The following KLHL1 variants were observed in gnomAD, a reference collection of about 807,000 sequenced individuals.
KLHL1 encodes kelch-like protein 1.
Under a neutral mutation model 77.7 loss-of-function variants are expected in KLHL1, and 47 were observed. The observed-to-expected ratio is 0.60, with a 90% CI of 0.48 to 0.77. KLHL1 has a LOEUF of 0.77. KLHL1 is among the 30% of genes least tolerant of loss of function. KLHL1 has a pLI of 0.00. For missense variants in KLHL1, 925 were observed against 910.8 expected (o/e 1.02, Z -0.20); for synonymous variants, 360 against 325.2 (o/e 1.11, Z -1.15).
At chr13:69,960,290 C>A (rs1340519544) in intron 3 of KLHL1, among the ~76,000 whole-genome samples, 1 of 90,146 alleles carries the variant, frequency 1.1e-5, no homozygotes, top group Non-Finnish European at 2.5e-5. Context: ...AGCAGAAATG[C>A]TGTAAAAAAT....
At chr13:69,894,766 A>G in intron 4 of KLHL1, 1 of 225,536 alleles carries the variant, frequency 4.4e-6, no homozygotes, top group Non-Finnish European at 8.8e-6. Context: ...CATAACATTC[A>G]GGATGTGTGA....
intron 6 of KLHL1, among the ~76,000 whole-genome samples, chr13:69,803,483 A>T (rs1877481596): frequency 6.6e-6 from 1 of 152,190 alleles, no homozygotes; most frequent in East Asian, 1.9e-4. Flanking sequence ...GAATTTAAAA[A>T]ATTTCCCTTC....
chr13:69,711,542 G>A (rs554649861), intron 9 of KLHL1, among the ~76,000 whole-genome samples: 6 of 151,998 alleles, frequency 3.9e-5, no homozygotes, highest in African/African-American at 1.4e-4. Context: ...CATTTACCAG[G>A]TTTCATGACA....
chr13:69,783,552 G>A (rs1023219297), intron 7 of KLHL1, among the ~76,000 whole-genome samples: 7 of 151,866 alleles, frequency 4.6e-5, no homozygotes, highest in East Asian at 3.9e-4. Flanking sequence ...GAGCCGATGC[G>A]ATCAACTGGA....
intron 5 of KLHL1, among the ~76,000 whole-genome samples, chr13:69,878,267 CT>C (rs1880842786): frequency 1.3e-5 from 2 of 151,910 alleles, no homozygotes; most frequent in Non-Finnish European, 1.5e-5. Flanking sequence ...TATATTTTTG[CT>C]TTAAATATCT....
chr13:69,736,822 CAT>C (rs375456221), intron 8 of KLHL1, among the ~76,000 whole-genome samples: 11 of 152,128 alleles, frequency 7.2e-5, no homozygotes, highest in African/African-American at 2.6e-4. Context: ...GAAAACCAAA[CAT>C]AGTATATTCT....
At chr13:69,786,129 AAG>A (rs1876531110) in intron 7 of KLHL1, among the ~76,000 whole-genome samples, 1 of 152,192 alleles carries the variant, frequency 6.6e-6, no homozygotes. Flanking sequence ...TCAATAGAAA[AAG>A]AGGGAATCCT....
Position 69,701,567 on chromosome 13 carries a change from T to G in KLHL1, c.*135A>C. 3.1e-6 allele frequency: 2 copies of G among 645,000 alleles called. No individual in the cohort carries two copies. Among genetic ancestry groups the G allele is most frequent in the Non-Finnish European group, 5.5e-6 (2 of 363,894 alleles). 40.0% of individuals were successfully genotyped at this position (645,000 alleles called of 1,614,324 possible). A position where few individuals can be genotyped will look rare whatever the true frequency, so the allele number is the denominator to read the frequency against. On this transcript the variant is annotated 3_prime_UTR_variant, in exon 11 of 11. Transcript: ENST00000377844. ...TATTCTGTTTGATCTACTAACTCTT[T>G]CAACATCAGTAGGTAACGCTACAGA... is the stretch of plus-strand genomic sequence containing the variant.
At position 70,107,351 on chromosome 13, in the gene KLHL1, T is replaced by A. The variant is rs970252331; in HGVS notation, c.349A>T (p.Arg117Trp). The A allele has an allele frequency of 6.2e-7, 1 of 1,614,028 alleles. No homozygotes were observed. The highest frequency in any genetic ancestry group is 8.5e-7 in the Non-Finnish European group (1 of 1,180,020). ...APGQGTQQPA[R>W]TLFYVESLEE... The stretch of plus-strand genomic sequence containing the variant: ...AGTGACTCCACGTAGAAGAGAGTCC[T>A]GGCTGGCTGCTGAGTGCCCTGCCCA... The change falls in exon 1 of 11, where the codon AGG (arginine) becomes TGG (tryptophan). Residue 117 changes from arginine (R) to tryptophan (W), a missense_variant. Transcript: ENST00000377844.
chr13:69,994,450 C>A (rs1483065727), intron 1 of KLHL1, among the ~76,000 whole-genome samples: 1 of 152,102 alleles, frequency 6.6e-6, no homozygotes, highest in African/African-American at 2.4e-5. Flanking sequence ...AGATACTTTG[C>A]AATATGATGC....
intron 6 of KLHL1, among the ~76,000 whole-genome samples, chr13:69,806,463 C>G (rs946526224): frequency 6.6e-6 from 1 of 152,072 alleles, no homozygotes; most frequent in South Asian, 2.1e-4. Flanking sequence ...TACAGGTCAT[C>G]TAGGAGAGAA....
chr13:69,831,189 T>C (rs1039210545), intron 6 of KLHL1, among the ~76,000 whole-genome samples: 2 of 149,708 alleles, frequency 1.3e-5, no homozygotes, highest in Non-Finnish European at 3.0e-5. Context: ...ACATAACTCA[T>C]AGACCATTAG....
chr13:70,066,167 T>C (rs1887000531), intron 1 of KLHL1, among the ~76,000 whole-genome samples: 1 of 152,202 alleles, frequency 6.6e-6, no homozygotes, highest in Non-Finnish European at 1.5e-5. Context: ...CTTTTTACTG[T>C]CTGCACTGTG....
At chr13:70,069,064 A>T (rs1260239888) in intron 1 of KLHL1, among the ~76,000 whole-genome samples, 1 of 152,196 alleles carries the variant, frequency 6.6e-6, no homozygotes, top group Non-Finnish European at 1.5e-5. Flanking sequence ...GAACTAACCT[A>T]TTGAGATTTT....
chr13:69,991,648 T>G (rs185210440), intron 1 of KLHL1, among the ~76,000 whole-genome samples: 39 of 150,328 alleles, frequency 2.6e-4, no homozygotes, highest in African/African-American at 9.4e-4. Context: ...AGCTCTGAAA[T>G]GGAATCAGTA....
chr13:69,896,478 C>A (rs987370903), intron 4 of KLHL1, among the ~76,000 whole-genome samples: 1 of 151,914 alleles, frequency 6.6e-6, no homozygotes, highest in African/African-American at 2.4e-5. Context: ...CACAGTGTGC[C>A]CGCTTGTCAA....
chr13:70,075,185 G>A (rs1402277184), intron 1 of KLHL1, among the ~76,000 whole-genome samples: 1 of 151,898 alleles, frequency 6.6e-6, no homozygotes, highest in Non-Finnish European at 1.5e-5. Flanking sequence ...GAGATGTATG[G>A]ATTTGGGAGG....
chr13:69,718,369 T>G (rs1158149872), intron 9 of KLHL1, among the ~76,000 whole-genome samples: 1 of 151,716 alleles, frequency 6.6e-6, no homozygotes, highest in Non-Finnish European at 1.5e-5. Flanking sequence ...ACTCTCTGGC[T>G]TTTTCCTTTT....
intron 9 of KLHL1, among the ~76,000 whole-genome samples, chr13:69,715,674 G>T (rs1313844297): frequency 6.6e-6 from 1 of 151,924 alleles, no homozygotes; most frequent in Non-Finnish European, 1.5e-5. Context: ...CAAAATTTGA[G>T]CATAATTGCT....
Sources: allele counts gnomAD v4.1 joint callset (sites outside exome capture counted in the v4.1 genomes callset), GRCh38; gene constraint gnomAD v4.1.1; transcripts MANE v1.5; gene names NCBI Gene and HGNC (gene_info 2026-07-23, HGNC 2026-07-21).